The following COL26A1 variants were observed in gnomAD, a reference collection of about 807,000 sequenced individuals.
COL26A1 encodes collagen alpha-1(XXVI) chain.
Under a neutral mutation model 59.3 loss-of-function variants are expected in COL26A1, and 41 were observed. The ratio of observed to expected loss-of-function variants is 0.69; its 90% confidence interval spans 0.54 to 0.90. The LOEUF is 0.90. Among genes scored for constraint, COL26A1 ranks in the 40% least tolerant of loss-of-function variants. The pLI, the probability that COL26A1 is intolerant of heterozygous loss-of-function variation, is 0.00. For missense variants in COL26A1, 612 were observed against 602.3 expected, an observed-to-expected ratio of 1.02 and a Z score of -0.17; for synonymous variants, 266 against 256.0, an observed-to-expected ratio of 1.04 and a Z score of -0.37.
chr7:101,491,961 G>C (rs765196777), intron 3 of COL26A1, among the ~76,000 whole-genome samples: 1 of 152,122 alleles, frequency 6.6e-6, no homozygotes, highest in Non-Finnish European at 1.5e-5. Context: ...TGGCATTTGG[G>C]ATGCATGTCC....
chr7:101,540,027 G>C lies in COL26A1; in HGVS notation c.582G>C (p.Gln194His). The change falls in exon 5 of 13, where the codon CAG becomes CAC. Residue 194 changes from glutamine (Q) to histidine (H), a missense_variant. Physicochemically the swap from Gln to His is conservative, Grantham distance 24. Transcript: ENST00000313669. ...AIPLAHPVPR[Q>H]RRPTGPAGPP... ...CTCTTGCTCACCCTGTGCCACGACA[G>C]AGAAGGCCCACGGGCCCAGCCGGTG... 1 of 1,613,296 alleles carries C rather than the reference G, an allele frequency of 6.2e-7. No homozygotes were observed. Among genetic ancestry groups the C allele is most frequent in the Non-Finnish European group, 8.5e-7 (1 of 1,179,744 alleles).
chr7:101,547,080 T>G, intron 7 of COL26A1, 76 bp from the exon 8 acceptor site: 1 of 1,054,674 alleles, frequency 9.5e-7, no homozygotes, highest in Middle Eastern at 3.1e-4. Context: ...GGCTCAGGGC[T>G]CAGTGCCCCG....
At chr7:101,406,210 A>G (rs1408120337) in intron 1 of COL26A1, among the ~76,000 whole-genome samples, 4 of 152,182 alleles carry the variant, frequency 2.6e-5, no homozygotes, top group Admixed American at 6.5e-5. Context: ...TAACTTTTCA[A>G]TTCCTTCCCT....
intron 1 of COL26A1, among the ~76,000 whole-genome samples, chr7:101,407,390 G>C (rs1792152097): frequency 6.6e-6 from 1 of 152,016 alleles, no homozygotes; most frequent in Non-Finnish European, 1.5e-5. Flanking sequence ...GCAGGTCTGA[G>C]CCTGAGGAGC....
At chr7:101,441,718 G>T (rs561099824) in intron 2 of COL26A1, among the ~76,000 whole-genome samples, 1 of 152,164 alleles carries the variant, frequency 6.6e-6, no homozygotes, top group Admixed American at 6.5e-5. Flanking sequence ...CGCCTGGTGG[G>T]TGAGGGCCAG....
At chr7:101,486,370 G>T (rs895405700) in intron 3 of COL26A1, among the ~76,000 whole-genome samples, 1 of 152,188 alleles carries the variant, frequency 6.6e-6, no homozygotes, top group Admixed American at 6.5e-5. Context: ...TACCCCATAG[G>T]GAGCTCTGAA....
chr7:101,551,237 G>GGGGGTTGGGGGGGGGGT, intron 10 of COL26A1, 94 bp downstream of exon 10: 2 of 386,362 alleles, frequency 5.2e-6, no homozygotes, highest in South Asian at 2.2e-5. Context: ...TGGTGGGGGG[G>GGGGGTTGGGGGGGGGGT]TTCAGCCCTG....
chr7:101,420,335 T>A (rs1221005105), intron 2 of COL26A1, among the ~76,000 whole-genome samples: 17 of 146,244 alleles, frequency 1.2e-4, no homozygotes, highest in Non-Finnish European at 1.6e-5. Flanking sequence ...ACCCAGTGGG[T>A]GTTTGACAGA....
intron 3 of COL26A1, among the ~76,000 whole-genome samples, chr7:101,512,870 T>C (rs960136501): frequency 6.6e-6 from 1 of 152,162 alleles, no homozygotes; most frequent in African/African-American, 2.4e-5. Flanking sequence ...TCAACACCTA[T>C]GCATGATGAA....
At chr7:101,434,019 C>A (rs1194361147) in intron 2 of COL26A1, among the ~76,000 whole-genome samples, 2 of 145,302 alleles carry the variant, frequency 1.4e-5, no homozygotes, top group African/African-American at 2.6e-5. Flanking sequence ...TGGATTTTCC[C>A]ATCTGGTGAT....
At chr7:101,516,834 T>A (rs749767067) in intron 3 of COL26A1, among the ~76,000 whole-genome samples, 2 of 152,198 alleles carry the variant, frequency 1.3e-5, no homozygotes, top group Non-Finnish European at 2.9e-5. Flanking sequence ...GTCATGTTGT[T>A]CGAAGGCATT....
At chr7:101,478,131 C>T (rs1266674717) in intron 3 of COL26A1, among the ~76,000 whole-genome samples, 1 of 152,068 alleles carries the variant, frequency 6.6e-6, no homozygotes, top group East Asian at 1.9e-4. Flanking sequence ...TACAGGTGCT[C>T]ACCACTACGC....
chr7:101,455,744 G>A (rs191222841), intron 3 of COL26A1, among the ~76,000 whole-genome samples: 15 of 152,084 alleles, frequency 9.9e-5, no homozygotes, highest in East Asian at 5.8e-4. Context: ...GTGCAGTGGC[G>A]TGATCTCAGC....
At chr7:101,390,156 T>C (rs1335121107) in intron 1 of COL26A1, among the ~76,000 whole-genome samples, 1 of 114,168 alleles carries the variant, frequency 8.8e-6, no homozygotes, top group East Asian at 2.6e-4. Flanking sequence ...GGGTTTTTTT[T>C]TTTTTTTTTT....
In COL26A1 at chr7:101,544,446, C is replaced by T. The variant is rs569048618; in HGVS notation, c.703+350C>T. Among the ~76,000 whole-genome samples, 434 of 150,562 alleles carry T rather than the reference C, an allele frequency of 2.9e-3. 1 individual carries two copies. The highest frequency in any genetic ancestry group is 5.0e-3 in the Non-Finnish European group (337 of 67,628). ...TTCACCATGTTGGTCAGGCTGGTCTCGAACTCCTGACCTCAGATGATCCAC... is the reference window on the plus strand; with the variant it reads ...TTCACCATGTTGGTCAGGCTGGTCTTGAACTCCTGACCTCAGATGATCCAC... On this transcript the variant is annotated intron_variant, in intron 6 of 12. Coordinates refer to ENST00000313669, the MANE Select transcript of COL26A1 (RefSeq NM_001278563.3).
At chr7:101,470,738 G>A (rs1323715461) in intron 3 of COL26A1, among the ~76,000 whole-genome samples, 1 of 151,850 alleles carries the variant, frequency 6.6e-6, no homozygotes, top group Non-Finnish European at 1.5e-5. Flanking sequence ...TTTTATATGG[G>A]GTCTCGTTAC....
chr7:101,489,663 TCC>T (rs1324565016), intron 3 of COL26A1, among the ~76,000 whole-genome samples: 839 of 51,528 alleles, frequency 0.016, 122 homozygotes, highest in African/African-American at 0.065. Flanking sequence ...CTTTCTTTCT[TCC>T]TTCCTTCCTT....
chr7:101,432,388 G>T (rs1792803335), intron 2 of COL26A1, among the ~76,000 whole-genome samples: 1 of 152,194 alleles, frequency 6.6e-6, no homozygotes, highest in Non-Finnish European at 1.5e-5. Context: ...GATCCAGGAG[G>T]TATTCTGGAA....
At chr7:101,523,260 G>C (rs895437605) in intron 3 of COL26A1, among the ~76,000 whole-genome samples, 15 of 151,942 alleles carry the variant, frequency 9.9e-5, no homozygotes, top group African/African-American at 3.6e-4. Flanking sequence ...GTAGAGATGA[G>C]GTTTCACTAT....
Sources: allele counts gnomAD v4.1 joint callset (sites outside exome capture counted in the v4.1 genomes callset), GRCh38; gene constraint gnomAD v4.1.1; transcripts MANE v1.5; gene names NCBI Gene and HGNC (gene_info 2026-07-23, HGNC 2026-07-21).